CTCF: variants seen among roughly 807,000 people sequenced by gnomAD.
CTCF encodes the protein transcriptional repressor CTCF.
A neutral mutation model predicts 72.3 loss-of-function variants in CTCF; 7 were observed. The ratio of observed to expected loss-of-function variants is 0.10; its 90% CI spans 0.06 to 0.18. The LOEUF is 0.18. Ranked by LOEUF, CTCF falls within the 10% of genes least tolerant of loss-of-function variation. The pLI, the probability that CTCF is intolerant of heterozygous loss-of-function variation, is 1.00. For synonymous variants in CTCF, 374 were observed against 315.8 expected (o/e 1.18, Z -1.95); for missense variants, 516 against 949.1 (o/e 0.54, Z 6.00).
At chr16:67,635,236 G>A (rs1353330557) in intron 10 of CTCF, among the ~76,000 whole-genome samples, 1 of 150,686 alleles carries the variant, frequency 6.6e-6, no homozygotes, top group Admixed American at 6.6e-5. Flanking sequence ...TGACGAGGAT[G>A]GTCTCGATCT....
chr16:67,617,218 G>T (rs1018607264), intron 5 of CTCF, among the ~76,000 whole-genome samples: 4 of 152,084 alleles, frequency 2.6e-5, no homozygotes, highest in African/African-American at 9.7e-5. Flanking sequence ...AAAAATTTAG[G>T]CTGGGCCTGG....
chr16:67,618,678 G>A (rs959951375), intron 5 of CTCF, among the ~76,000 whole-genome samples: 1 of 152,154 alleles, frequency 6.6e-6, no homozygotes, highest in African/African-American at 2.4e-5. Flanking sequence ...TAAGAGTTCA[G>A]TTCACTGGCC....
intron 2 of CTCF, among the ~76,000 whole-genome samples, chr16:67,584,651 A>C (rs774817873): frequency 3.2e-4 from 48 of 151,800 alleles, no homozygotes; most frequent in Non-Finnish European, 6.0e-4. Flanking sequence ...TTTAAACTGT[A>C]AAGTGGTGAT....
At chr16:67,586,139 G>C (rs893236663) in intron 2 of CTCF, among the ~76,000 whole-genome samples, 2 of 152,092 alleles carry the variant, frequency 1.3e-5, no homozygotes, top group Non-Finnish European at 2.9e-5. Flanking sequence ...AGTGGCTCAC[G>C]CCTATAATTC....
At position 67,571,222 on chromosome 16, in the gene CTCF, G is replaced by A. The variant is rs77172747; in HGVS notation, c.-52G>A. Reference sequence around the variant, plus strand: ...TGCTGACCAGGGGCTTGAGAGCTGGGTTCTATTTTCCCTCCTCAAACTGAC... The same window carrying A: ...TGCTGACCAGGGGCTTGAGAGCTGGATTCTATTTTCCCTCCTCAAACTGAC... On this transcript the variant is annotated 5_prime_UTR_variant, in exon 2 of 12. Transcript: ENST00000264010. 5,046 of 152,702 alleles carry A rather than the reference G, an allele frequency of 0.033. 132 individuals carry two copies. Among genetic ancestry groups the A allele is most frequent in the South Asian group, 0.061 (292 of 4,824 alleles). The allele number at this position is 152,702 out of a possible 1,614,324, so 9.5% of individuals were successfully genotyped here.
intron 11 of CTCF, among the ~76,000 whole-genome samples, 163 bp from the exon 12 acceptor site, chr16:67,637,525 C>T (rs1224048391): frequency 1.3e-5 from 2 of 152,056 alleles, no homozygotes; most frequent in East Asian, 1.9e-4. Flanking sequence ...AGCAAGACTC[C>T]GTCTCAAAAA....
At chr16:67,603,012 G>C (rs1008623867) in intron 2 of CTCF, among the ~76,000 whole-genome samples, 17 of 152,146 alleles carry the variant, frequency 1.1e-4, no homozygotes, top group Admixed American at 9.2e-4. Context: ...CAAGTACAAA[G>C]TTGTGCTGTC....
chr16:67,608,406 G>C (rs1192887026), intron 2 of CTCF, among the ~76,000 whole-genome samples: 3 of 152,150 alleles, frequency 2.0e-5, no homozygotes, highest in Non-Finnish European at 4.4e-5. Flanking sequence ...TGTCAGGAGA[G>C]AGGTGAATGT....
intron 1 of CTCF, chr16:67,563,771 G>A (rs554381590): frequency 6.6e-6 from 1 of 152,346 alleles, no homozygotes; most frequent in South Asian, 2.1e-4. Flanking sequence ...TAAGTCCCTT[G>A]AGTTTCCCTC....
Position 67,621,226 on chromosome 16 carries a change from A to T in CTCF, c.1208-216A>T, listed in dbSNP as rs2052195131. 4.3e-5 allele frequency: 20 copies of T among 465,012 alleles called. No individual in the cohort carries two copies. The East Asian group carries it at 6.1e-4, about 14-fold the overall frequency. The allele number at this position is 465,012 out of a possible 1,614,324, so 28.8% of individuals were successfully genotyped here. ...GCATTGCTGTAATGTGGAGGATTCCAGAGTAGAGCTGGGCAGAGCAGAGGT... is the reference window on the plus strand; with the variant it reads ...GCATTGCTGTAATGTGGAGGATTCCTGAGTAGAGCTGGGCAGAGCAGAGGT... On this transcript the variant is annotated intron_variant, in intron 6 of 11. Transcript: ENST00000264010.
chr16:67,574,650 C>CT (rs1162960134), intron 2 of CTCF, among the ~76,000 whole-genome samples: 1,213 of 96,994 alleles, frequency 0.013, 68 homozygotes, highest in African/African-American at 0.017. Context: ...CCAAAAGCAT[C>CT]TTTTTTTTTT....
intron 7 of CTCF, 48 bp downstream of exon 7, chr16:67,621,639 T>G: frequency 7.1e-7 from 1 of 1,414,050 alleles, no homozygotes; most frequent in Non-Finnish European, 9.8e-7. Flanking sequence ...TTGAAGGATT[T>G]ATATTTCGAA....
intron 3 of CTCF, 111 bp from the exon 4 acceptor site, chr16:67,611,840 T>G: frequency 9.7e-7 from 1 of 1,036,008 alleles, no homozygotes; most frequent in Non-Finnish European, 1.5e-6. Context: ...ATGACTTATA[T>G]TGGGTTTTGT....
chr16:67,621,884 C>T (rs1469670901), intron 7 of CTCF, among the ~76,000 whole-genome samples: 2 of 151,678 alleles, frequency 1.3e-5, no homozygotes, highest in Non-Finnish European at 2.9e-5. Flanking sequence ...TAATTAGTAG[C>T]CTTCCTTCCC....
At chr16:67,576,675 T>A (rs2051502175) in intron 2 of CTCF, among the ~76,000 whole-genome samples, 1 of 149,028 alleles carries the variant, frequency 6.7e-6, no homozygotes, top group Non-Finnish European at 1.5e-5. Context: ...TGCCTCAGCC[T>A]CCTGAGTAGC....
rs184537982 is a variant in CTCF, at chr16:67,568,822, C to T, written c.-126-2326C>T. Among the ~76,000 whole-genome samples, 3 of 152,060 alleles carry T rather than the reference C, an allele frequency of 2.0e-5. No individual in the cohort carries two copies. The East Asian group carries it at 5.8e-4, about 29-fold the overall frequency. Reference sequence around the variant, plus strand: ...GGATTGCTGGTGTGAGCCATCACACCTGGCTATATTATTTGGAAACTCTTT... The same window carrying T: ...GGATTGCTGGTGTGAGCCATCACACTTGGCTATATTATTTGGAAACTCTTT... On this transcript the variant is annotated intron_variant, in intron 1 of 11. Coordinates refer to ENST00000264010, the MANE Select transcript of CTCF (RefSeq NM_006565.4).
intron 2 of CTCF, among the ~76,000 whole-genome samples, chr16:67,580,530 T>C (rs2051564394): frequency 6.6e-6 from 1 of 151,466 alleles, no homozygotes; most frequent in Non-Finnish European, 1.5e-5. Context: ...TTATGTATTT[T>C]ATTTTTATTT....
chr16:67,595,631 C>T lies in CTCF; in HGVS notation c.-9-15193C>T, dbSNP rs540509678. Among the ~76,000 whole-genome samples, 19 of 152,044 alleles carry T rather than the reference C, an allele frequency of 1.2e-4. No individual in the cohort carries two copies. The South Asian group carries it at 3.7e-3, about 30-fold the overall frequency. ...TTGTTTCATTGGGTTTTTATGATAG[C>T]CTGTGAAATGGGTACCATTTCCTTA... On this transcript the variant is annotated intron_variant, in intron 2 of 11. Coordinates refer to ENST00000264010, the MANE Select transcript of CTCF (RefSeq NM_006565.4).
intron 2 of CTCF, among the ~76,000 whole-genome samples, chr16:67,594,638 G>A (rs534928231): frequency 1.1e-4 from 17 of 152,156 alleles, no homozygotes; most frequent in Admixed American, 6.5e-4. Context: ...AGGTAAATTC[G>A]TATACTTAGG....
Sources: allele counts gnomAD v4.1 joint callset (sites outside exome capture counted in the v4.1 genomes callset), GRCh38; gene constraint gnomAD v4.1.1; transcripts MANE v1.5; gene names NCBI Gene and HGNC (gene_info 2026-07-23, HGNC 2026-07-21).